Variants in BEND7 observed in about 807,000 individuals in gnomAD.
BEND7 encodes the protein BEN domain containing 7, also known as BEN domain-containing protein 7.
BEND7 carries 28 observed loss-of-function variants against 50.9 expected under a neutral mutation model. That is an observed-to-expected ratio of 0.55 (90% CI 0.41 to 0.75). BEND7 has a LOEUF of 0.75. Ranked by LOEUF, BEND7 falls within the 30% of genes least tolerant of loss-of-function variation. BEND7 has a pLI of 0.00. For missense variants in BEND7, 477 were observed against 491.3 expected (o/e 0.97, Z 0.28); for synonymous variants, 170 against 183.9 (o/e 0.92, Z 0.61).
intron 5 of BEND7, among the ~76,000 whole-genome samples, chr10:13,487,410 G>A (rs569871181): frequency 2.2e-5 from 3 of 134,602 alleles, no homozygotes; most frequent in Admixed American, 8.3e-5. Flanking sequence ...TTTTTGAGAC[G>A]GAGTCTTGCT....
chr10:13,492,647 T>C lies in BEND7; in HGVS notation c.801A>G (p.Leu267=), dbSNP rs926270761. 7 of 1,614,104 alleles carry C rather than the reference T, an allele frequency of 4.3e-6. No homozygotes were observed. Among genetic ancestry groups the C allele is most frequent in the Admixed American group, 1.7e-5 (1 of 59,982 alleles). The change falls in exon 5 of 9, where the codon CTA becomes CTG. Residue 267 remains leucine, a synonymous_variant. Transcript: ENST00000466271. Reference sequence around the variant, plus strand: ...GTGATTCCAGAACAATGCCGAATCCTAGAACGCGGCTCTCCTCCGGGGAGG... The same window carrying C: ...GTGATTCCAGAACAATGCCGAATCCCAGAACGCGGCTCTCCTCCGGGGAGG... The part of the protein sequence containing the change: ...EHTSPEESRV[L]GFGIVLESPS...
chr10:13,525,684 A>G (rs555509131), intron 2 of BEND7, among the ~76,000 whole-genome samples: 1 of 152,348 alleles, frequency 6.6e-6, no homozygotes, highest in African/African-American at 2.4e-5. Flanking sequence ...GTGAAGGGAC[A>G]TTATAAGACA....
chr10:13,518,871 A>T (rs11258432), intron 2 of BEND7, among the ~76,000 whole-genome samples: 45,406 of 152,074 alleles, frequency 0.3, 7,337 homozygotes, highest in Non-Finnish European at 0.37. Context: ...TAAATCACAT[A>T]TCTGAGGACC....
At chr10:13,468,643 T>C (rs1261832491) in intron 6 of BEND7, among the ~76,000 whole-genome samples, 1 of 152,050 alleles carries the variant, frequency 6.6e-6, no homozygotes, top group Non-Finnish European at 1.5e-5. Context: ...TTCAAGAGTG[T>C]TTTTGCAGAA....
At chr10:13,440,685 AT>A (rs2130785398), downstream of BEND7, among the ~76,000 whole-genome samples, 1 of 152,354 alleles carries the variant, frequency 6.6e-6, no homozygotes, top group African/African-American at 2.4e-5. Context: ...GAAGCGAGCG[AT>A]TCTGCGGCTG....
At chr10:13,464,367 A>C (rs748476030) in intron 6 of BEND7, among the ~76,000 whole-genome samples, 2 of 152,240 alleles carry the variant, frequency 1.3e-5, no homozygotes, top group Non-Finnish European at 2.9e-5. Flanking sequence ...CAAATCTTTA[A>C]AAAGATGAAA....
At chr10:13,476,723 T>A (rs995241434) in intron 6 of BEND7, among the ~76,000 whole-genome samples, 1 of 152,156 alleles carries the variant, frequency 6.6e-6, no homozygotes, top group Non-Finnish European at 1.5e-5. Context: ...AAGGAAAACA[T>A]ACCTGGGTAC....
intron 3 of BEND7, 121 bp from the exon 4 acceptor site, chr10:13,497,009 G>A: frequency 8.0e-7 from 1 of 1,255,826 alleles, no homozygotes; most frequent in Non-Finnish European, 1.1e-6. Context: ...GTGCAATTAT[G>A]ATGAAGCTGT....
In BEND7 at chr10:13,498,071, C is replaced by CTT. The variant is rs67255529; in HGVS notation, c.449-1185_449-1184dup. On this transcript the variant is annotated intron_variant, in intron 3 of 8. Coordinates refer to ENST00000466271, the MANE Select transcript of BEND7 (RefSeq NM_001369863.1). The stretch of plus-strand genomic sequence containing the variant: ...AGTTATATGTAATATATTTCTTTTT[C>CTT]TTTTTTTTTTTTTTTTTTTTTTGAG... Among the ~76,000 whole-genome samples, 625 of 109,814 alleles carry CTT rather than the reference C, an allele frequency of 5.7e-3. 3 individuals carry two copies. Among genetic ancestry groups the CTT allele is most frequent in the African/African-American group, 0.014 (411 of 29,264 alleles). 72.0% of individuals were successfully genotyped at this position (109,814 alleles called of 152,430 possible). A position where few individuals can be genotyped will look rare whatever the true frequency, so the allele number is the denominator to read the frequency against.
chr10:13,496,814 T>G lies in BEND7; in HGVS notation c.523A>C (p.Ile175Leu). ...TCNCQSTLQA[I>L]LQELKTMRKL... Reference sequence around the variant, plus strand: ...CTCATGGTCTTGAGTTCTTGTAGAATGGCCTGCAACGTTGACTGGCAGTTA... The same window carrying G: ...CTCATGGTCTTGAGTTCTTGTAGAAGGGCCTGCAACGTTGACTGGCAGTTA... The change falls in exon 4 of 9, where the codon ATT becomes CTT. Residue 175 changes from isoleucine (I) to leucine (L), a missense_variant. By Grantham distance (5) the Ile-to-Leu change is conservative. Around this residue, in one of 3 missense-constraint regions of BEND7, gnomAD observed 396 missense variants for 384.2 expected, o/e 1.03. Coordinates refer to ENST00000466271, the MANE Select transcript of BEND7 (RefSeq NM_001369863.1). 1 of 1,613,532 alleles carries G rather than the reference T, an allele frequency of 6.2e-7. No homozygotes were observed. The highest frequency in any genetic ancestry group is 8.5e-7 in the Non-Finnish European group (1 of 1,179,886).
At chr10:13,493,387 G>C (rs1322970046) in intron 4 of BEND7, among the ~76,000 whole-genome samples, 1 of 152,156 alleles carries the variant, frequency 6.6e-6, no homozygotes, top group East Asian at 1.9e-4. Context: ...AAGCCGTCTG[G>C]GATGATTCTA....
intron 6 of BEND7, among the ~76,000 whole-genome samples, chr10:13,465,969 TTCTG>T (rs1437772600): frequency 6.6e-6 from 1 of 152,232 alleles, no homozygotes; most frequent in East Asian, 1.9e-4. Context: ...ACTATGACAT[TTCTG>T]TCTAAAAGGA....
intron 2 of BEND7, among the ~76,000 whole-genome samples, chr10:13,505,614 G>A (rs1175010257): frequency 6.6e-6 from 1 of 152,160 alleles, no homozygotes; most frequent in African/African-American, 2.4e-5. Flanking sequence ...CCCACAGTCC[G>A]ACCCCTGACT....
At chr10:13,492,504 T>C in intron 5 of BEND7, 107 bp downstream of exon 5, 1 of 1,386,352 alleles carries the variant, frequency 7.2e-7, no homozygotes, top group Non-Finnish European at 9.9e-7. Flanking sequence ...CTTTCCCACA[T>C]ATAGTCTGCA....
At chr10:13,506,304 C>G (rs2077883929) in intron 2 of BEND7, among the ~76,000 whole-genome samples, 1 of 152,194 alleles carries the variant, frequency 6.6e-6, no homozygotes, top group South Asian at 2.1e-4. Flanking sequence ...TATTCATTCT[C>G]CCTTCCTTTG....
intron 4 of BEND7, among the ~76,000 whole-genome samples, chr10:13,495,805 T>C (rs185072625): frequency 9.2e-5 from 14 of 152,326 alleles, no homozygotes; most frequent in Admixed American, 3.9e-4. Flanking sequence ...ATTCACTAAA[T>C]GGCATCCTGA....
intron 5 of BEND7, among the ~76,000 whole-genome samples, chr10:13,485,767 T>C (rs974344352): frequency 3.9e-5 from 6 of 152,254 alleles, no homozygotes; most frequent in Non-Finnish European, 7.3e-5. Context: ...GATTTAATTT[T>C]GTTCATAAAT....
intron 6 of BEND7, among the ~76,000 whole-genome samples, chr10:13,453,848 G>C (rs1838329221): frequency 6.6e-6 from 1 of 152,118 alleles, no homozygotes; most frequent in African/African-American, 2.4e-5. Flanking sequence ...AGAAATAAGA[G>C]TAATATTTAA....
downstream of BEND7, among the ~76,000 whole-genome samples, chr10:13,440,119 T>G (rs1835143665): frequency 6.6e-6 from 1 of 152,076 alleles, no homozygotes; most frequent in South Asian, 2.1e-4. Flanking sequence ...TGTGCAAGCG[T>G]CTTCCAGGGG....
Sources: gnomAD v4.1 joint callset for allele counts (sites outside exome capture counted in the v4.1 genomes callset) on GRCh38, gnomAD v4.1.1 for gene constraint, gnomAD v4.1.1 regional missense constraint, MANE v1.5 for transcripts, NCBI Gene and HGNC (gene_info 2026-07-23, HGNC 2026-07-21) for gene names.